GRM8: variants seen among roughly 807,000 people sequenced by gnomAD.
GRM8 encodes metabotropic glutamate receptor 8.
A neutral mutation model predicts 87.2 loss-of-function variants in GRM8; 47 were observed. That is an observed-to-expected ratio of 0.54 (90% confidence interval 0.43 to 0.69). The LOEUF (loss-of-function observed/expected upper bound fraction) is 0.69, where lower values mean the gene tolerates loss of function less well. GRM8 is among the 30% of genes least tolerant of loss of function. The pLI is 0.00. For synonymous variants in GRM8, 396 were observed against 404.5 expected (o/e 0.98, Z 0.25); for missense variants, 1,019 against 1,139.2 (o/e 0.89, Z 1.52).
intron 3 of GRM8, among the ~76,000 whole-genome samples, chr7:127,058,846 T>C (rs964881843): frequency 6.6e-6 from 1 of 152,248 alleles, no homozygotes; most frequent in African/African-American, 2.4e-5. Flanking sequence ...AATTAACTTA[T>C]GAACTCTTCC....
chr7:126,495,781 T>A (rs552980330), intron 9 of GRM8, among the ~76,000 whole-genome samples: 18 of 152,024 alleles, frequency 1.2e-4, no homozygotes, highest in Admixed American at 2.6e-4. Context: ...CATTAACTCA[T>A]ATCTTTCTGC....
intron 2 of GRM8, among the ~76,000 whole-genome samples, chr7:127,183,988 A>G (rs991884887): frequency 6.6e-6 from 1 of 151,982 alleles, no homozygotes; most frequent in African/African-American, 2.4e-5. Flanking sequence ...TAATCTGAAG[A>G]GGACCATATC....
intron 2 of GRM8, among the ~76,000 whole-genome samples, chr7:127,177,645 A>G (rs1349350501): frequency 6.6e-6 from 1 of 152,226 alleles, no homozygotes. Flanking sequence ...TCCATGGCTG[A>G]GAGACCCATA....
chr7:126,627,174 G>C (rs765879184), intron 7 of GRM8, among the ~76,000 whole-genome samples: 51 of 152,114 alleles, frequency 3.4e-4, no homozygotes, highest in Admixed American at 2.6e-4. Flanking sequence ...ACAAAATGCA[G>C]CTAACTTTTT....
chr7:126,604,716 A>G (rs952959245), intron 8 of GRM8, among the ~76,000 whole-genome samples: 16 of 152,312 alleles, frequency 1.1e-4, no homozygotes, highest in South Asian at 2.1e-4. Flanking sequence ...CTTGATCACC[A>G]TATTACAATG....
At chr7:126,558,788 G>A (rs12671690) in intron 8 of GRM8, among the ~76,000 whole-genome samples, 30,535 of 152,060 alleles carry the variant, frequency 0.2, 3,642 homozygotes, top group East Asian at 0.31. Context: ...ACCAAGGGCT[G>A]ACTGTACCTA....
intron 3 of GRM8, among the ~76,000 whole-genome samples, chr7:127,017,950 T>C (rs895945425): frequency 2.0e-5 from 3 of 152,090 alleles, no homozygotes; most frequent in Admixed American, 2.0e-4. Context: ...TATTCATTAT[T>C]AATTTATTCA....
intron 8 of GRM8, among the ~76,000 whole-genome samples, chr7:126,561,601 TTTTA>T (rs1793705617): frequency 6.6e-6 from 1 of 151,864 alleles, no homozygotes; most frequent in Admixed American, 6.6e-5. Context: ...TTATCTTTTA[TTTTA>T]TTTATTTTTT....
intron 6 of GRM8, among the ~76,000 whole-genome samples, chr7:126,839,297 C>T (rs1269323491): frequency 6.6e-6 from 1 of 152,178 alleles, no homozygotes; most frequent in Non-Finnish European, 1.5e-5. Flanking sequence ...GAGAGCTTGT[C>T]TGAAATGCAG....
intron 6 of GRM8, among the ~76,000 whole-genome samples, chr7:126,794,736 G>GT (rs1821772465): frequency 6.6e-6 from 1 of 152,156 alleles, no homozygotes; most frequent in Non-Finnish European, 1.5e-5. Flanking sequence ...TCACACACCT[G>GT]TAACTAGAAT....
intron 2 of GRM8, among the ~76,000 whole-genome samples, chr7:127,238,308 G>A (rs1399318991): frequency 2.6e-5 from 2 of 77,784 alleles, no homozygotes; most frequent in East Asian, 3.0e-4. Context: ...GTGTGTGCAT[G>A]TGTGTGTGTG....
At chr7:126,613,584 C>T (rs1285481580) in intron 7 of GRM8, among the ~76,000 whole-genome samples, 1 of 152,206 alleles carries the variant, frequency 6.6e-6, no homozygotes, top group Non-Finnish European at 1.5e-5. Flanking sequence ...CGAGGCATCG[C>T]CTCACCCGGA....
rs147085522 is a variant in GRM8 at position 126,487,067 on chromosome 7, A to G, written c.2431-40695T>C. On this transcript the variant is annotated intron_variant, in intron 9 of 10. Transcript: ENST00000339582. ...CATATCAATTTATCAACCTCAAATT[A>G]TAAAGCATTTTAAGTTACTTAGTGT... Among the ~76,000 whole-genome samples, 1,367 of 152,242 alleles carry G rather than the reference A, an allele frequency of 9.0e-3. 8 individuals carry two copies. The highest frequency in any genetic ancestry group is 0.015 in the Non-Finnish European group (1,016 of 67,994).
chr7:126,551,672 G>A (rs878995402), intron 8 of GRM8, among the ~76,000 whole-genome samples: 1 of 146,044 alleles, frequency 6.8e-6, no homozygotes, highest in Admixed American at 6.9e-5. Context: ...CCCTGTATTG[G>A]CAACCATACG....
intron 7 of GRM8, among the ~76,000 whole-genome samples, chr7:126,626,823 C>T (rs776606333): frequency 6.6e-6 from 1 of 152,126 alleles, no homozygotes; most frequent in Non-Finnish European, 1.5e-5. Context: ...AGTTTGAAAC[C>T]AGCCTGGGCA....
intron 2 of GRM8, among the ~76,000 whole-genome samples, chr7:127,147,584 T>C (rs79005687): frequency 0.012 from 1,793 of 152,114 alleles, 35 homozygotes; most frequent in African/African-American, 0.037. Context: ...CCTGTACAAG[T>C]ATACTAACTT....
At chr7:126,643,801 A>G (rs991352463) in intron 7 of GRM8, among the ~76,000 whole-genome samples, 4 of 152,244 alleles carry the variant, frequency 2.6e-5, no homozygotes, top group African/African-American at 7.2e-5. Context: ...ATTCTTCCCT[A>G]TGCTTCAACA....
chr7:127,160,657 T>G (rs1205710985), intron 2 of GRM8, among the ~76,000 whole-genome samples: 1 of 152,068 alleles, frequency 6.6e-6, no homozygotes, highest in Non-Finnish European at 1.5e-5. Flanking sequence ...TTCCCTTTTC[T>G]GGGGAGCTGT....
chr7:126,718,400 T>C (rs538076260), intron 7 of GRM8, among the ~76,000 whole-genome samples: 2 of 152,268 alleles, frequency 1.3e-5, no homozygotes, highest in South Asian at 2.1e-4. Context: ...GGTGGGGGTA[T>C]AGTTGATTCA....
Sources: gnomAD v4.1 joint callset for allele counts (sites outside exome capture counted in the v4.1 genomes callset) on GRCh38, gnomAD v4.1.1 for gene constraint, MANE v1.5 for transcripts, NCBI Gene and HGNC (gene_info 2026-07-23, HGNC 2026-07-21) for gene names.